Variants in MRTFA observed in about 807,000 individuals in gnomAD.
The protein encoded by MRTFA is myocardin-related transcription factor A.
A neutral mutation model predicts 83.5 loss-of-function variants in MRTFA; 20 were observed. The observed-to-expected ratio is 0.24, with a 90% CI of 0.17 to 0.35. MRTFA has a LOEUF of 0.35. Among genes scored for constraint, MRTFA ranks in the 10% least tolerant of loss-of-function variants. MRTFA has a pLI of 1.00. For synonymous variants in MRTFA, 659 were observed against 541.2 expected, an observed-to-expected ratio of 1.22 and a Z score of -3.02; for missense variants, 1,200 against 1,224.7, an observed-to-expected ratio of 0.98 and a Z score of 0.30.
chr22:40,541,895 T>G (rs781589683), intron 3 of MRTFA, among the ~76,000 whole-genome samples: 2 of 152,184 alleles, frequency 1.3e-5, no homozygotes, highest in Non-Finnish European at 2.9e-5. Context: ...CTTGAACTCC[T>G]GACCTCATAA....
intron 3 of MRTFA, among the ~76,000 whole-genome samples, chr22:40,486,843 C>T (rs1211410776): frequency 2.6e-5 from 4 of 152,156 alleles, no homozygotes; most frequent in Non-Finnish European, 5.9e-5. Context: ...CATGGTGGCA[C>T]TTGCCTGTGG....
At chr22:40,464,552 G>A (rs2053782184) in intron 3 of MRTFA, among the ~76,000 whole-genome samples, 2 of 151,778 alleles carry the variant, frequency 1.3e-5, no homozygotes, top group African/African-American at 4.8e-5. Flanking sequence ...CAGAGGAGGA[G>A]GGTTAGGAGG....
chr22:40,415,944 A>C (rs2052670437), intron 14 of MRTFA, among the ~76,000 whole-genome samples: 1 of 148,834 alleles, frequency 6.7e-6, no homozygotes, highest in African/African-American at 2.5e-5. Context: ...CTGCTCCCCC[A>C]CCTCACACCC....
chr22:40,613,160 T>C (rs915883472), intron 1 of MRTFA, among the ~76,000 whole-genome samples: 1 of 152,242 alleles, frequency 6.6e-6, no homozygotes, highest in African/African-American at 2.4e-5. Flanking sequence ...CAGTGCTGCA[T>C]GTATCCATAA....
rs1205844087 is a variant in MRTFA, at chr22:40,410,292, T to C, written c.*1098A>G. The C allele has an allele frequency of 1.8e-6, 1 of 559,500 alleles. No homozygotes were observed. The highest frequency in any genetic ancestry group is 2.0e-5 in the African/African-American group (1 of 50,786). The allele number at this position is 559,500 out of a possible 1,614,324, so 34.7% of individuals were successfully genotyped here. A position where few individuals can be genotyped will look rare whatever the true frequency, so the allele number is the denominator to read the frequency against. ...TGAATAAGATGGACTAACAGGCCTG[T>C]GTTTTTGTGTTTATTTTAAAAAGTT... On this transcript the variant is annotated 3_prime_UTR_variant, in exon 15 of 15. Transcript: ENST00000355630.
At chr22:40,429,305 T>C (rs888967118) in intron 7 of MRTFA, 1 of 608,096 alleles carries the variant, frequency 1.6e-6, no homozygotes, top group Non-Finnish European at 2.9e-6. Flanking sequence ...GATCCTGACA[T>C]CTATCTACTC....
chr22:40,532,368 A>T (rs959470752), intron 3 of MRTFA, among the ~76,000 whole-genome samples: 1 of 152,226 alleles, frequency 6.6e-6, no homozygotes, highest in African/African-American at 2.4e-5. Context: ...AGAGAACTGG[A>T]ATAGACAGGA....
In MRTFA at chr22:40,542,793, A is replaced by G. The variant is rs186674526; in HGVS notation, c.241+9313T>C. On this transcript the variant is annotated intron_variant, in intron 3 of 14. Transcript: ENST00000355630. ...CTACTTATAAAAATATTTCAGTAATATGAAAAAAGCAGGACACAGAATTGG... is the reference window on the plus strand; with the variant it reads ...CTACTTATAAAAATATTTCAGTAATGTGAAAAAAGCAGGACACAGAATTGG... Among the ~76,000 whole-genome samples the G allele has an allele frequency of 8.8e-4, 134 of 152,378 alleles. 1 individual carries two copies. In the Middle Eastern group the frequency reaches 0.02, roughly 23 times the overall value.
At chr22:40,424,128 G>A (rs751606701) in intron 8 of MRTFA, 78 bp downstream of exon 8, 35 of 1,418,950 alleles carry the variant, frequency 2.5e-5, no homozygotes, top group South Asian at 7.7e-5. Flanking sequence ...GAGGCATCCC[G>A]TGGCCCAGGA....
intron 2 of MRTFA, chr22:40,569,771 A>ATC (rs1569333176): frequency 2.1e-3 from 228 of 106,642 alleles, no homozygotes; most frequent in East Asian, 7.4e-3. Flanking sequence ...ATACATACAT[A>ATC]CATACATCAA....
chr22:40,413,632 A>G (rs2052611292), intron 14 of MRTFA, among the ~76,000 whole-genome samples: 1 of 151,366 alleles, frequency 6.6e-6, no homozygotes, highest in Non-Finnish European at 1.5e-5. Context: ...TTTAGTAAAG[A>G]CGGGGTTTCA....
intron 3 of MRTFA, among the ~76,000 whole-genome samples, chr22:40,533,070 T>C (rs1234833386): frequency 6.6e-6 from 1 of 152,202 alleles, no homozygotes; most frequent in East Asian, 1.9e-4. Context: ...GACTCTTTGC[T>C]CAAACTTACC....
At chr22:40,550,856 T>G (rs1458434209) in intron 3 of MRTFA, among the ~76,000 whole-genome samples, 1 of 149,956 alleles carries the variant, frequency 6.7e-6, no homozygotes, top group Non-Finnish European at 1.5e-5. Flanking sequence ...TTTTTTCTTT[T>G]TTTTTTTTTT....
At position 40,445,532 on chromosome 22, in the gene MRTFA, T is replaced by G. The variant is rs566842405; in HGVS notation, c.308-9978A>C. ...TTTTTCCCCCAAGCCAAGGGGTTTTTTTTTGTTTTGTTTTGTTTTTGAGAC... is the reference window on the plus strand; with the variant it reads ...TTTTTCCCCCAAGCCAAGGGGTTTTGTTTTGTTTTGTTTTGTTTTTGAGAC... On this transcript the variant is annotated intron_variant, in intron 4 of 14. Coordinates refer to ENST00000355630, the MANE Select transcript of MRTFA (RefSeq NM_020831.6). Among the ~76,000 whole-genome samples, 39 of 152,104 alleles carry G rather than the reference T, an allele frequency of 2.6e-4. No individual in the cohort carries two copies. In the East Asian group the frequency reaches 4.4e-3, roughly 17 times the overall value.
At chr22:40,556,553 G>A (rs1207817487) in intron 2 of MRTFA, among the ~76,000 whole-genome samples, 1 of 152,144 alleles carries the variant, frequency 6.6e-6, no homozygotes, top group East Asian at 1.9e-4. Context: ...TCAGTATTAG[G>A]AACTCAATAT....
chr22:40,488,112 G>C (rs550847834), intron 3 of MRTFA, among the ~76,000 whole-genome samples: 1 of 152,316 alleles, frequency 6.6e-6, no homozygotes, highest in East Asian at 1.9e-4. Flanking sequence ...AGTGCTTTAA[G>C]AGTTTGCAGA....
At chr22:40,628,376 T>C (rs950233767) in intron 1 of MRTFA, among the ~76,000 whole-genome samples, 10 of 152,242 alleles carry the variant, frequency 6.6e-5, no homozygotes, top group African/African-American at 2.4e-4. Context: ...GTTTGAATTA[T>C]GCCCATTATG....
chr22:40,476,702 C>T (rs549192160), intron 3 of MRTFA, among the ~76,000 whole-genome samples: 2 of 152,240 alleles, frequency 1.3e-5, no homozygotes, highest in East Asian at 1.9e-4. Flanking sequence ...ATCCACCCAC[C>T]GCGGCCTCCC....
At chr22:40,424,645 C>T (rs1381767782) in intron 7 of MRTFA, among the ~76,000 whole-genome samples, 3 of 152,230 alleles carry the variant, frequency 2.0e-5, no homozygotes, top group African/African-American at 7.2e-5. Context: ...CCTCCTTTAG[C>T]CTCTTGCTTG....
Sources: gnomAD v4.1 joint callset for allele counts (sites outside exome capture counted in the v4.1 genomes callset) on GRCh38, gnomAD v4.1.1 for gene constraint, MANE v1.5 for transcripts, NCBI Gene and HGNC (gene_info 2026-07-23, HGNC 2026-07-21) for gene names.